SLC41A1: variants seen among roughly 807,000 people sequenced by gnomAD.
SLC41A1 encodes solute carrier family 41 (magnesium transporter), member 1.
A neutral mutation model predicts 47.3 loss-of-function variants in SLC41A1; 20 were observed. The ratio of observed to expected loss-of-function variants is 0.42; its 90% CI spans 0.30 to 0.61. The LOEUF (loss-of-function observed/expected upper bound fraction) is 0.61, where lower values mean the gene tolerates loss of function less well. Ranked by LOEUF, SLC41A1 falls within the 20% of genes least tolerant of loss-of-function variation. The pLI is 0.17. For synonymous variants in SLC41A1, 282 were observed against 272.7 expected (o/e 1.03, Z -0.34); for missense variants, 504 against 674.1 (o/e 0.75, Z 2.79).
chr1:205,793,294 A>G (rs989043526), intron 10 of SLC41A1, among the ~76,000 whole-genome samples: 5 of 152,206 alleles, frequency 3.3e-5, no homozygotes, highest in African/African-American at 9.7e-5. Context: ...GGCCCTCCAC[A>G]GATCTAGAGA....
At position 205,789,375 on chromosome 1, in the gene SLC41A1, A is replaced by G. The variant is rs1655563822; in HGVS notation, c.*2158T>C. ...CTCACTCAGGGCCTGGGGCATGCCT[A>G]TCTGTCTGCTTTTTAGGCAAAGGAG... On this transcript the variant is annotated 3_prime_UTR_variant, in exon 11 of 11. Coordinates refer to ENST00000367137, the MANE Select transcript of SLC41A1 (RefSeq NM_173854.6). 2.0e-5 allele frequency: 3 copies of G among 152,150 alleles called. No individual in the cohort carries two copies. The highest frequency in any genetic ancestry group is 1.3e-4 in the Admixed American group (2 of 15,278). 9.4% of individuals were successfully genotyped at this position (152,150 alleles called of 1,614,324 possible).
At chr1:205,802,957 T>C (rs903419845) in intron 2 of SLC41A1, among the ~76,000 whole-genome samples, 2 of 152,012 alleles carry the variant, frequency 1.3e-5, no homozygotes, top group African/African-American at 4.8e-5. Flanking sequence ...TCACTTGAGG[T>C]CAGGAGTTGG....
At chr1:205,797,824 C>A (rs1655783383) in intron 7 of SLC41A1, 80 bp downstream of exon 7, 1 of 1,575,600 alleles carries the variant, frequency 6.3e-7, no homozygotes, top group Non-Finnish European at 8.7e-7. Context: ...TGACCCCCAC[C>A]CCATCTCTCC....
chr1:205,795,606 T>A, intron 8 of SLC41A1, 128 bp from the exon 9 acceptor site: 1 of 1,198,386 alleles, frequency 8.3e-7, no homozygotes, highest in Non-Finnish European at 1.2e-6. Flanking sequence ...AGGGTCTATG[T>A]GGGCATCACC....
rs1655621029 is a variant in SLC41A1, at chr1:205,791,299, A to G, written c.*234T>C. On this transcript the variant is annotated 3_prime_UTR_variant, in exon 11 of 11. Coordinates refer to ENST00000367137, the MANE Select transcript of SLC41A1 (RefSeq NM_173854.6). This position sits in a 1 kb window ranked among gnomAD's most constrained non-coding sequence, Gnocchi z 4.0. ...ACCCACCATGAAACTGCACTTGGTG[A>G]TTGTCTCAAAAACCTACTTGTACTG... 2 of 531,448 alleles carry G rather than the reference A, an allele frequency of 3.8e-6. No homozygotes were observed. Among genetic ancestry groups the G allele is most frequent in the Non-Finnish European group, 6.8e-6 (2 of 295,512 alleles). The allele number at this position is 531,448 out of a possible 1,614,324, so 32.9% of individuals were successfully genotyped here.
intron 1 of SLC41A1, among the ~76,000 whole-genome samples, chr1:205,811,925 C>T (rs933898736): frequency 6.6e-6 from 1 of 152,202 alleles, no homozygotes; most frequent in Non-Finnish European, 1.5e-5. Context: ...GTTAATTAGG[C>T]TCCTCCTGTT....
chr1:205,802,345 G>C (rs541801360), intron 2 of SLC41A1, among the ~76,000 whole-genome samples: 8 of 152,320 alleles, frequency 5.3e-5, no homozygotes, highest in African/African-American at 1.9e-4. Flanking sequence ...AGGGCCTCAA[G>C]CTCTTGAAAA....
At chr1:205,795,912 C>T (rs73080391) in intron 8 of SLC41A1, 12,209 of 298,940 alleles carry the variant, frequency 0.041, 317 homozygotes, top group South Asian at 0.049. Context: ...CAGACCCAGG[C>T]ATCCTATGGT....
In SLC41A1 at chr1:205,790,995, C is replaced by A. The variant is rs1321054983; in HGVS notation, c.*538G>T. The A allele has an allele frequency of 1.1e-5, 2 of 183,208 alleles. No individual in the cohort carries two copies. The highest frequency in any genetic ancestry group is 2.3e-5 in the Non-Finnish European group (2 of 86,546). 11.3% of individuals were successfully genotyped at this position (183,208 alleles called of 1,614,324 possible). A position where few individuals can be genotyped will look rare whatever the true frequency, so the allele number is the denominator to read the frequency against. On this transcript the variant is annotated 3_prime_UTR_variant, in exon 11 of 11. Coordinates refer to ENST00000367137, the MANE Select transcript of SLC41A1 (RefSeq NM_173854.6). ...GAGGGCAAGAGAACAGAACTGGGATCACAGGGGCCTGGAGCAGGTGTCTCC... is the reference window on the plus strand; with the variant it reads ...GAGGGCAAGAGAACAGAACTGGGATAACAGGGGCCTGGAGCAGGTGTCTCC...
At chr1:205,792,196 T>C (rs943185502) in intron 10 of SLC41A1, among the ~76,000 whole-genome samples, 1 of 152,216 alleles carries the variant, frequency 6.6e-6, no homozygotes, top group African/African-American at 2.4e-5. Context: ...ATAAGGATAG[T>C]GTTTGAAGCT....
In SLC41A1 at chr1:205,798,599, A is replaced by C; in HGVS notation, c.844+70T>G. The stretch of plus-strand genomic sequence containing the variant: ...AAGAACACAGAAGAAACTCTTGCAC[A>C]TTTGCAAACTACTACCATCTCTCCC... On this transcript the variant is annotated intron_variant, in intron 6 of 10. Coordinates refer to ENST00000367137, the MANE Select transcript of SLC41A1 (RefSeq NM_173854.6). 3 of 1,606,346 alleles carry C rather than the reference A, an allele frequency of 1.9e-6. No individual in the cohort carries two copies. The South Asian group carries it at 3.3e-5, about 18-fold the overall frequency.
chr1:205,807,650 C>CTTTTT (rs71152452), intron 2 of SLC41A1, among the ~76,000 whole-genome samples: 29 of 98,506 alleles, frequency 2.9e-4, no homozygotes, highest in South Asian at 4.2e-4. Flanking sequence ...CTCGTAGAGT[C>CTTTTT]TTTTTTTTTT....
intron 10 of SLC41A1, among the ~76,000 whole-genome samples, chr1:205,793,906 G>C (rs1382741774): frequency 6.6e-6 from 1 of 152,118 alleles, no homozygotes; most frequent in Non-Finnish European, 1.5e-5. Flanking sequence ...TGAAGAAGAG[G>C]ACAGAAAAGA....
At chr1:205,802,160 C>G (rs139316367) in intron 2 of SLC41A1, among the ~76,000 whole-genome samples, 2 of 151,820 alleles carry the variant, frequency 1.3e-5, no homozygotes, top group Non-Finnish European at 2.9e-5. Context: ...GGAGGCCAGG[C>G]GGATATATAT....
chr1:205,792,589 G>C (rs1453763800), intron 10 of SLC41A1, among the ~76,000 whole-genome samples: 5 of 152,312 alleles, frequency 3.3e-5, no homozygotes. Context: ...TGGACCTCTT[G>C]AGTCAGAGTC....
At chr1:205,798,428 G>C (rs1655797548) in intron 6 of SLC41A1, among the ~76,000 whole-genome samples, 1 of 152,110 alleles carries the variant, frequency 6.6e-6, no homozygotes, top group Non-Finnish European at 1.5e-5. Flanking sequence ...CCCTCCAAGA[G>C]AAGTAAGAAT....
chr1:205,795,510 CAG>C (rs1655730561), intron 8 of SLC41A1, 32 bp from the exon 9 acceptor site: 3 of 1,613,464 alleles, frequency 1.9e-6, no homozygotes. Context: ...TAGACACAGA[CAG>C]AGGTCAGAGG....
chr1:205,793,345 G>C (rs1655667774), intron 10 of SLC41A1, among the ~76,000 whole-genome samples: 1 of 152,190 alleles, frequency 6.6e-6, no homozygotes, highest in South Asian at 2.1e-4. Flanking sequence ...ATTCATCATG[G>C]GTGATGGCAC....
Position 205,810,788 on chromosome 1 carries a change from G to T in SLC41A1, c.-347C>A. 1 of 355,868 alleles carries T rather than the reference G, an allele frequency of 2.8e-6. No individual in the cohort carries two copies. Among genetic ancestry groups the T allele is most frequent in the Non-Finnish European group, 5.4e-6 (1 of 185,368 alleles). 22.0% of individuals were successfully genotyped at this position (355,868 alleles called of 1,614,324 possible). ...TCAGTGGCAGGCTCCTCAGAGCAGGGGGCATCCAGAGTAGAAGAGCTCAAC... is the reference window on the plus strand; with the variant it reads ...TCAGTGGCAGGCTCCTCAGAGCAGGTGGCATCCAGAGTAGAAGAGCTCAAC... On this transcript the variant is annotated 5_prime_UTR_variant, in exon 2 of 11. Coordinates refer to ENST00000367137, the MANE Select transcript of SLC41A1 (RefSeq NM_173854.6). This position sits in a 1 kb window ranked among gnomAD's most constrained non-coding sequence, Gnocchi z 5.5.
Sources: allele counts gnomAD v4.1 joint callset (sites outside exome capture counted in the v4.1 genomes callset), GRCh38; gene constraint gnomAD v4.1.1; non-coding constraint Gnocchi (gnomAD v3.1); transcripts MANE v1.5; gene names NCBI Gene and HGNC (gene_info 2026-07-23, HGNC 2026-07-21).